Variants in PCDH11X observed in about 807,000 individuals in gnomAD.
PCDH11X encodes protocadherin-11 X-linked.
Under a neutral mutation model 53.3 loss-of-function variants are expected in PCDH11X, and 18 were observed. The ratio of observed to expected loss-of-function variants is 0.34; its 90% CI spans 0.23 to 0.50. The LOEUF (loss-of-function observed/expected upper bound fraction) is 0.50. Ranked by LOEUF, PCDH11X falls within the 20% of genes least tolerant of loss-of-function variation. PCDH11X has a pLI of 0.98. For missense variants in PCDH11X, 570 were observed against 1,032.4 expected (o/e 0.55, Z 6.14); for synonymous variants, 279 against 393.3 (o/e 0.71, Z 3.44).
At chrX:92,200,883 CTTTAT>C (rs72033591) in intron 6 of PCDH11X, among the ~76,000 whole-genome samples, 4,571 of 91,811 alleles carry the variant, frequency 0.05, 248 homozygotes, top group East Asian at 0.26. Context: ...TATTTTTTAT[CTTTAT>C]TTTATTTTAT....
chrX:91,885,576 A>C (rs1281762930), intron 6 of PCDH11X, among the ~76,000 whole-genome samples: 1 of 109,893 alleles, frequency 9.1e-6, no homozygotes, highest in Non-Finnish European at 1.9e-5. Context: ...TTGTGTCATG[A>C]CTAGCCTGGC....
chrX:92,375,285 C>T (rs2070725746), intron 8 of PCDH11X, among the ~76,000 whole-genome samples: 1 of 90,136 alleles, frequency 1.1e-5, no homozygotes, highest in South Asian at 6.5e-4. Flanking sequence ...ATGCCATTCT[C>T]CTGCCTCAGC....
chrX:92,221,810 TA>T (rs1289531630), intron 7 of PCDH11X, among the ~76,000 whole-genome samples: 1 of 109,401 alleles, frequency 9.1e-6, no homozygotes, highest in Non-Finnish European at 1.9e-5. Flanking sequence ...ACTTCCAGCA[TA>T]ATTTCAGAGC....
At chrX:92,580,353 G>T (rs1322701522) in intron 10 of PCDH11X, among the ~76,000 whole-genome samples, 1 of 105,220 alleles carries the variant, frequency 9.5e-6, no homozygotes, top group Non-Finnish European at 1.9e-5. Context: ...AACTAAGTCT[G>T]CTGATCCATG....
In PCDH11X at chrX:92,549,684, C is replaced by T. The variant is rs972896624; in HGVS notation, c.3368-68580C>T. 3.4e-4 allele frequency among the ~76,000 whole-genome samples: 36 copies of T among 107,217 alleles called. 1 individual carries two copies. The highest frequency in any genetic ancestry group is 3.9e-5 in the Non-Finnish European group (2 of 51,806). 93.1% of individuals were successfully genotyped at this position (107,217 alleles called of 115,157 possible). ...TAATCTCTCCCTAAGATCCTTTTCA[C>T]GATGGCGAAAGAGAGCAAAAAACAT... On this transcript the variant is annotated intron_variant, in intron 10 of 10. Coordinates refer to ENST00000682573, the MANE Select transcript of PCDH11X (RefSeq NM_032968.5).
At chrX:92,422,139 T>C (rs1488555743) in intron 9 of PCDH11X, among the ~76,000 whole-genome samples, 1 of 108,788 alleles carries the variant, frequency 9.2e-6, no homozygotes, top group South Asian at 3.9e-4. Flanking sequence ...CTTTTCTTTT[T>C]TTTTTTTTTT....
At chrX:92,053,796 C>T (rs2063401011) in intron 6 of PCDH11X, among the ~76,000 whole-genome samples, 1 of 110,651 alleles carries the variant, frequency 9.0e-6, no homozygotes, top group African/African-American at 3.3e-5. Context: ...GTCTTGAACT[C>T]CTGACCTCGT....
At chrX:92,570,400 T>C (rs1602354938) in intron 10 of PCDH11X, among the ~76,000 whole-genome samples, 2 of 112,133 alleles carry the variant, frequency 1.8e-5, no homozygotes. Flanking sequence ...TACTTGATCA[T>C]GTTAGTCTAT....
At chrX:92,132,674 T>C (rs1177213348) in intron 6 of PCDH11X, among the ~76,000 whole-genome samples, 10 of 53,315 alleles carry the variant, frequency 1.9e-4, no homozygotes, top group Non-Finnish European at 2.9e-4. Context: ...TATATGTATA[T>C]GTATATATAT....
At chrX:91,892,463 C>G (rs917806298) in intron 6 of PCDH11X, among the ~76,000 whole-genome samples, 1 of 110,142 alleles carries the variant, frequency 9.1e-6, no homozygotes, top group African/African-American at 3.3e-5. Context: ...CAATCTTAAC[C>G]AGTTCTACTT....
At chrX:91,909,760 A>C (rs1941311194) in intron 6 of PCDH11X, among the ~76,000 whole-genome samples, 3 of 110,162 alleles carry the variant, frequency 2.7e-5, no homozygotes, top group East Asian at 5.7e-4. Flanking sequence ...TAAATTATTG[A>C]GTTGTCTGAT....
intron 6 of PCDH11X, among the ~76,000 whole-genome samples, chrX:91,950,609 C>T (rs2525371): frequency 1.2e-5 from 1 of 86,858 alleles, no homozygotes; most frequent in Admixed American, 1.2e-4. Context: ...TATATATATA[C>T]ACACACACAT....
intron 6 of PCDH11X, among the ~76,000 whole-genome samples, chrX:92,175,817 GAC>G (rs1250204461): frequency 2.9e-5 from 3 of 102,726 alleles, no homozygotes; most frequent in Non-Finnish European, 5.9e-5. Flanking sequence ...GAGAGAGAGA[GAC>G]AAAAATATAC....
At chrX:92,495,152 A>G (rs887315460) in intron 10 of PCDH11X, among the ~76,000 whole-genome samples, 1 of 110,549 alleles carries the variant, frequency 9.0e-6, no homozygotes, top group African/African-American at 3.3e-5. Context: ...TTCTTTATTT[A>G]CTATTCTCTT....
chrX:92,011,166 A>C (rs938041094), intron 6 of PCDH11X, among the ~76,000 whole-genome samples: 15 of 112,370 alleles, frequency 1.3e-4, no homozygotes, highest in African/African-American at 4.8e-4. Context: ...TGCTATTGGG[A>C]ATAGTGCTGT....
At chrX:92,175,777 T>TGTGTGTGTGTATAC (rs1491104270) in intron 6 of PCDH11X, among the ~76,000 whole-genome samples, 1 of 35,070 alleles carries the variant, frequency 2.9e-5, no homozygotes, top group East Asian at 2.4e-3. Flanking sequence ...TGTGTGTGTG[T>TGTGTGTGTGTATAC]ATATATATAC....
At chrX:91,784,807 C>T (rs1287154730) in intron 1 of PCDH11X, among the ~76,000 whole-genome samples, 1 of 111,233 alleles carries the variant, frequency 9.0e-6, no homozygotes, top group Admixed American at 9.6e-5. Flanking sequence ...TTACATCCTC[C>T]TCCCCATTAG....
intron 6 of PCDH11X, among the ~76,000 whole-genome samples, chrX:92,110,240 A>AT (rs2064474348): frequency 9.0e-6 from 1 of 111,185 alleles, no homozygotes; most frequent in Non-Finnish European, 1.9e-5. Flanking sequence ...TTCAATTGGA[A>AT]TACATAAATC....
intron 8 of PCDH11X, among the ~76,000 whole-genome samples, chrX:92,368,996 G>A (rs1386105799): frequency 1.0e-5 from 1 of 96,393 alleles, no homozygotes; most frequent in Middle Eastern, 4.7e-3. Flanking sequence ...ACTTGAGGAG[G>A]CCATCTGTCC....
Sources: gnomAD v4.1 joint callset for allele counts (sites outside exome capture counted in the v4.1 genomes callset) on GRCh38, gnomAD v4.1.1 for gene constraint, MANE v1.5 for transcripts, NCBI Gene and HGNC (gene_info 2026-07-23, HGNC 2026-07-21) for gene names.